The following DPEP1 variants were observed in gnomAD, a reference collection of about 807,000 sequenced individuals.
DPEP1 encodes the protein beta-lactamase.
A neutral mutation model predicts 42.3 loss-of-function variants in DPEP1; 50 were observed. The ratio of observed to expected loss-of-function variants is 1.18; its 90% CI spans 0.94 to 1.50. The LOEUF (loss-of-function observed/expected upper bound fraction) is 1.50. Ranked by LOEUF, DPEP1 falls within the 40% of genes most tolerant of loss-of-function variation. DPEP1 has a pLI of 0.00. For synonymous variants in DPEP1, 297 were observed against 234.0 expected (o/e 1.27, Z -2.46); for missense variants, 663 against 553.0 (o/e 1.20, Z -1.99).
Position 89,637,825 on chromosome 16 carries a change from C to A in DPEP1, c.930-11C>A. On this transcript the variant is annotated splice_polypyrimidine_tract_variant and intron_variant, in intron 9 of 10. Transcript: ENST00000690203. ...AGTGTGGGGGCCCAGGTTCTCCTGGCCTCAACACAGGGTCCCTGAGGGGCT... is the reference window on the plus strand; with the variant it reads ...AGTGTGGGGGCCCAGGTTCTCCTGGACTCAACACAGGGTCCCTGAGGGGCT... 1 of 1,612,646 alleles carries A rather than the reference C, an allele frequency of 6.2e-7. No individual in the cohort carries two copies. Among genetic ancestry groups the A allele is most frequent in the Non-Finnish European group, 8.5e-7 (1 of 1,179,854 alleles).
chr16:89,633,067 G>A (rs184707276), intron 2 of DPEP1, among the ~76,000 whole-genome samples: 5 of 152,266 alleles, frequency 3.3e-5, no homozygotes, highest in South Asian at 4.1e-4. Context: ...GAGATGGGCC[G>A]CCTGCGTCCT....
At chr16:89,631,008 C>A (rs745449359) in intron 2 of DPEP1, among the ~76,000 whole-genome samples, 1 of 152,056 alleles carries the variant, frequency 6.6e-6, no homozygotes. Context: ...ACTCCCTGGT[C>A]CCGAAGCTCA....
intron 1 of DPEP1, among the ~76,000 whole-genome samples, chr16:89,614,749 C>A (rs572068022): frequency 1.3e-5 from 2 of 152,268 alleles, no homozygotes; most frequent in East Asian, 1.9e-4. Context: ...GAGCTGAGAT[C>A]GTGCCACTGC....
At chr16:89,626,348 G>A (rs1326324517) in intron 1 of DPEP1, 1 of 152,176 alleles carries the variant, frequency 6.6e-6, no homozygotes, top group Non-Finnish European at 1.5e-5. Flanking sequence ...TGTTTTTGTT[G>A]GTGGTGGTGG....
chr16:89,629,919 C>T (rs954865008), intron 1 of DPEP1, among the ~76,000 whole-genome samples: 1 of 152,170 alleles, frequency 6.6e-6, no homozygotes, highest in African/African-American at 2.4e-5. Context: ...ATGATTTTTA[C>T]GTGGAAAGGG....
chr16:89,640,624 T>C (rs746880042), downstream of DPEP1: 41 of 985,104 alleles, frequency 4.2e-5, no homozygotes, highest in Non-Finnish European at 4.7e-5. Context: ...GATCCACTTA[T>C]CAATAATCAT....
intron 1 of DPEP1, among the ~76,000 whole-genome samples, chr16:89,629,435 C>T (rs2059556288): frequency 6.6e-6 from 1 of 152,070 alleles, no homozygotes; most frequent in East Asian, 1.9e-4. Context: ...CCAGGAGGTG[C>T]AGGTTGCAGT....
chr16:89,630,731 TGGGGGTGCCGGGGCTG>T (rs2059576862), intron 2 of DPEP1, among the ~76,000 whole-genome samples: 1 of 6,308 alleles, frequency 1.6e-4, no homozygotes. Context: ...GTGCCGGGGC[TGGGGGTGCCGGGGCTG>T]GGGGAGTTTG....
intron 2 of DPEP1, among the ~76,000 whole-genome samples, chr16:89,633,261 C>T (rs1205937415): frequency 3.9e-5 from 6 of 152,232 alleles, no homozygotes; most frequent in African/African-American, 1.2e-4. Flanking sequence ...GAGGCCCGTG[C>T]CAGCCCAGGC....
At chr16:89,636,742 T>C in intron 5 of DPEP1, 59 bp downstream of exon 5, 1 of 1,603,926 alleles carries the variant, frequency 6.2e-7, no homozygotes, top group East Asian at 2.2e-5. Flanking sequence ...GGGCAGACAC[T>C]CCCTGCCACC....
chr16:89,630,210 A>C, intron 1 of DPEP1, 95 bp from the exon 2 acceptor site: 7 of 419,372 alleles, frequency 1.7e-5, no homozygotes, highest in East Asian at 4.6e-5. Context: ...CTGGTGGGGA[A>C]TGTGCTGGTT....
chr16:89,623,535 G>C, intron 1 of DPEP1, among the ~76,000 whole-genome samples: 1 of 152,146 alleles, frequency 6.6e-6, no homozygotes. Context: ...CATTCCGTTT[G>C]GTAAACCTCA....
intron 2 of DPEP1, 57 bp downstream of exon 2, chr16:89,630,571 G>T: frequency 1.3e-6 from 1 of 761,496 alleles, no homozygotes; most frequent in South Asian, 1.6e-5. Context: ...CTGGGGCTGG[G>T]AGAGCGGGGC....
At chr16:89,620,310 C>T (rs74883430) in intron 1 of DPEP1, among the ~76,000 whole-genome samples, 3,061 of 152,130 alleles carry the variant, frequency 0.02, 49 homozygotes, top group South Asian at 0.072. Flanking sequence ...CCTGGGACCC[C>T]CAGGCCACTT....
In DPEP1 at chr16:89,637,956, C is replaced by A; in HGVS notation, c.1050C>A (p.Phe350Leu). ...TGGCTGACAACCTGCTGAGGGTCTT[C>A]GAGGCTGTGGAACAGGTGAGGATGG... ...GALADNLLRV[F>L]EAVEQASNLT... Residue 350 changes from phenylalanine (F) to leucine (L), a missense_variant, in exon 10 of 11, where the codon TTC (phenylalanine) becomes TTA (leucine). Phe to Leu is a conservative substitution (Grantham distance 22, BLOSUM62 0). Coordinates refer to ENST00000690203, the MANE Select transcript of DPEP1 (RefSeq NM_001389466.1). 6.2e-7 allele frequency: 1 copy of A among 1,609,112 alleles called. No homozygotes were observed. Among genetic ancestry groups the A allele is most frequent in the East Asian group, 2.2e-5 (1 of 44,724 alleles).
chr16:89,624,763 G>A (rs1238390706), intron 1 of DPEP1, among the ~76,000 whole-genome samples: 1 of 152,016 alleles, frequency 6.6e-6, no homozygotes, highest in African/African-American at 2.4e-5. Context: ...TTGAACTCCC[G>A]GCCTCAGGTG....
At chr16:89,618,621 G>A (rs116470742) in intron 1 of DPEP1, among the ~76,000 whole-genome samples, 148 of 152,068 alleles carry the variant, frequency 9.7e-4, no homozygotes, top group African/African-American at 3.3e-3. Flanking sequence ...TCCCACCTCA[G>A]CTTCCCAAGT....
At chr16:89,625,935 C>G (rs1365842381) in intron 1 of DPEP1, among the ~76,000 whole-genome samples, 1 of 152,216 alleles carries the variant, frequency 6.6e-6, no homozygotes, top group Non-Finnish European at 1.5e-5. Context: ...ACACGGGGCC[C>G]TGCCCAACCC....
intron 2 of DPEP1, among the ~76,000 whole-genome samples, chr16:89,635,196 T>G (rs1189750781): frequency 1.6e-5 from 2 of 125,412 alleles, no homozygotes; most frequent in African/African-American, 6.4e-5. Flanking sequence ...CCCTTCCTTC[T>G]CCTTTCCCCT....
Sources: allele counts gnomAD v4.1 joint callset (sites outside exome capture counted in the v4.1 genomes callset), GRCh38; gene constraint gnomAD v4.1.1; transcripts MANE v1.5; gene names NCBI Gene and HGNC (gene_info 2026-07-23, HGNC 2026-07-21).